Variants in GRAMD1C observed in about 807,000 individuals in gnomAD.
GRAMD1C encodes the protein protein Aster-C.
Under a neutral mutation model 97.8 loss-of-function variants are expected in GRAMD1C, and 89 were observed. The observed-to-expected ratio is 0.91, with a 90% CI of 0.77 to 1.09. The LOEUF (loss-of-function observed/expected upper bound fraction) is 1.09, where lower values mean the gene tolerates loss of function less well. GRAMD1C is among the 50% of genes least tolerant of loss of function. The pLI is 0.00. For synonymous variants in GRAMD1C, 256 were observed against 267.0 expected, an observed-to-expected ratio of 0.96 and a Z score of 0.40; for missense variants, 740 against 766.4, an observed-to-expected ratio of 0.97 and a Z score of 0.41.
In GRAMD1C at chr3:113,942,489, C is replaced by T. The variant is rs979742908; in HGVS notation, c.1908+2144C>T. Among the ~76,000 whole-genome samples the T allele has an allele frequency of 2.6e-5, 4 of 152,172 alleles. No individual in the cohort carries two copies. The East Asian group carries it at 7.7e-4, about 29-fold the overall frequency. ...TGGCTGGGCTCTTGGCTGAGAAATC[C>T]TGGTTATCAGCACCTTTGGGTCAGT... On this transcript the variant is annotated intron_variant, in intron 17 of 17. Transcript: ENST00000358160.
intron 2 of GRAMD1C, among the ~76,000 whole-genome samples, chr3:113,853,789 A>C (rs1018324846): frequency 6.6e-6 from 1 of 152,164 alleles, no homozygotes; most frequent in Non-Finnish European, 1.5e-5. Flanking sequence ...AGAGAATAGC[A>C]TGGGAGGGAG....
intron 10 of GRAMD1C, among the ~76,000 whole-genome samples, chr3:113,922,577 G>C (rs1433010698): frequency 2.0e-5 from 3 of 152,138 alleles, no homozygotes; most frequent in Non-Finnish European, 2.9e-5. Flanking sequence ...TCGAAGACCA[G>C]ATGGTTGTAG....
Position 113,882,741 on chromosome 3 carries a change from T to A in GRAMD1C, c.460-11T>A. The A allele has an allele frequency of 6.7e-7, 1 of 1,497,060 alleles. No individual in the cohort carries two copies. The highest frequency in any genetic ancestry group is 9.3e-7 in the Non-Finnish European group (1 of 1,073,640). The allele number at this position is 1,497,060 out of a possible 1,614,324, so 92.7% of individuals were successfully genotyped here. A position where few individuals can be genotyped will look rare whatever the true frequency, so the allele number is the denominator to read the frequency against. ...ATGACACTAAAATTCTCCTATTATTTTTCTTTGCAGTTTTTCTTCACATCT... is the reference window on the plus strand; with the variant it reads ...ATGACACTAAAATTCTCCTATTATTATTCTTTGCAGTTTTTCTTCACATCT... On this transcript the variant is annotated splice_polypyrimidine_tract_variant and intron_variant, in intron 5 of 17. Transcript: ENST00000358160.
chr3:113,944,636 G>A (rs1310560959), intron 17 of GRAMD1C, among the ~76,000 whole-genome samples: 3 of 152,114 alleles, frequency 2.0e-5, no homozygotes, highest in South Asian at 2.1e-4. Context: ...AAATATCTAA[G>A]TATATATTTA....
At chr3:113,915,913 AC>A (rs1344151097) in intron 10 of GRAMD1C, 75 bp downstream of exon 10, 23 of 1,142,886 alleles carry the variant, frequency 2.0e-5, no homozygotes, top group Non-Finnish European at 3.0e-5. Flanking sequence ...GCATATATAA[AC>A]TGATTTATGT....
intron 6 of GRAMD1C, among the ~76,000 whole-genome samples, chr3:113,898,137 A>G (rs902913748): frequency 2.0e-5 from 3 of 152,300 alleles, no homozygotes; most frequent in Middle Eastern, 3.4e-3. Context: ...TCCTGCTAGT[A>G]TTTAATACAA....
intron 1 of GRAMD1C, among the ~76,000 whole-genome samples, chr3:113,830,158 G>A (rs897386571): frequency 3.3e-5 from 5 of 152,024 alleles, no homozygotes; most frequent in African/African-American, 1.2e-4. Context: ...CTAGGTGTGC[G>A]GTTTGCACAG....
chr3:113,844,547 A>G lies in GRAMD1C; in HGVS notation c.72A>G (p.Glu24=), dbSNP rs778013054. The G allele has an allele frequency of 6.2e-7, 1 of 1,605,690 alleles. No individual in the cohort carries two copies. Among genetic ancestry groups the G allele is most frequent in the Non-Finnish European group, 8.5e-7 (1 of 1,173,826 alleles). ...GDSSLATDLQ[E]DVEENPSPTV... ...CAAGCCTTGCCACCGACTTACAGGA[A>G]GATGTAGAGGAAAATCCTAGTCCAA... The change falls in exon 2 of 18, where the codon GAA becomes GAG. Residue 24 remains glutamate, a synonymous_variant. Transcript: ENST00000358160.
chr3:113,875,674 C>A, intron 4 of GRAMD1C, 87 bp downstream of exon 4: 3 of 679,174 alleles, frequency 4.4e-6, no homozygotes, highest in African/African-American at 1.8e-5. Flanking sequence ...TTAGATGATT[C>A]CAAAGTAAAT....
At chr3:113,898,366 T>C (rs958730245) in intron 6 of GRAMD1C, among the ~76,000 whole-genome samples, 2 of 152,132 alleles carry the variant, frequency 1.3e-5, no homozygotes, top group African/African-American at 4.8e-5. Context: ...ATTGCTTGCT[T>C]CTCATTATAA....
rs1202587142 is a variant in GRAMD1C at position 113,908,999 on chromosome 3, A to G, written c.831A>G (p.Lys277=). ...AGTCCCAAAATGAGAAACAGACCAAAAAGAGTCTCTTACCAACTTTGGAAA... is the reference window on the plus strand; with the variant it reads ...AGTCCCAAAATGAGAAACAGACCAAGAAGAGTCTCTTACCAACTTTGGAAA... ...KEESQNEKQT[K]KSLLPTLEKK... Residue 277 remains lysine (K), a synonymous_variant, in exon 9 of 18, where the codon AAA becomes AAG. Coordinates refer to ENST00000358160, the MANE Select transcript of GRAMD1C (RefSeq NM_017577.5). 7 of 1,579,524 alleles carry G rather than the reference A, an allele frequency of 4.4e-6. No homozygotes were observed. In the African/African-American group the frequency reaches 9.6e-5, roughly 22 times the overall value.
rs531763397 is a variant in GRAMD1C at position 113,887,085 on chromosome 3, GTTTTTTTTT to G, written c.540+4255_540+4263del. On this transcript the variant is annotated intron_variant, in intron 6 of 17. Transcript: ENST00000358160. ...ATGAGCCACTGCGCCTGGCCTTTTT[GTTTTTTTTT>G]TGTTTTTTTTTTTTTTTGAGATAGA... 9.6e-3 allele frequency among the ~76,000 whole-genome samples: 688 copies of G among 71,442 alleles called. 12 individuals are homozygous for G. The highest frequency in any genetic ancestry group is 0.032 in the Middle Eastern group (2 of 62). The allele number at this position is 71,442 out of a possible 152,430, so 46.9% of individuals were successfully genotyped here.
intron 1 of GRAMD1C, among the ~76,000 whole-genome samples, chr3:113,840,879 G>A (rs1188041018): frequency 6.6e-6 from 1 of 152,202 alleles, no homozygotes; most frequent in Non-Finnish European, 1.5e-5. Context: ...TCAATGGAAT[G>A]TTATACTTGT....
intron 9 of GRAMD1C, chr3:113,913,015 A>G: frequency 1.7e-6 from 1 of 573,268 alleles, no homozygotes; most frequent in Non-Finnish European, 2.8e-6. Context: ...AGACATTTGG[A>G]AAGATGAAGG....
At chr3:113,941,978 T>C (rs1937812522) in intron 17 of GRAMD1C, among the ~76,000 whole-genome samples, 1 of 151,342 alleles carries the variant, frequency 6.6e-6, no homozygotes, top group South Asian at 2.1e-4. Context: ...TGCAGTGGCA[T>C]GAACACGGCT....
At chr3:113,832,545 A>T (rs1709573106) in intron 1 of GRAMD1C, among the ~76,000 whole-genome samples, 1 of 152,172 alleles carries the variant, frequency 6.6e-6, no homozygotes, top group South Asian at 2.1e-4. Context: ...CATCTCCAGA[A>T]CTTTTTCTTC....
At chr3:113,870,032 C>A (rs2712365) in intron 3 of GRAMD1C, among the ~76,000 whole-genome samples, 93,846 of 151,766 alleles carry the variant, frequency 0.62, 29,238 homozygotes, top group Middle Eastern at 0.75. Flanking sequence ...TCTCACTCAT[C>A]TGTGGGAGCT....
chr3:113,924,571 A>G (rs1937169689), intron 10 of GRAMD1C, among the ~76,000 whole-genome samples: 1 of 152,180 alleles, frequency 6.6e-6, no homozygotes, highest in Non-Finnish European at 1.5e-5. Flanking sequence ...ATGTAATTGT[A>G]TGATTTTTAG....
At chr3:113,925,475 AAAC>A (rs1379113095) in intron 10 of GRAMD1C, among the ~76,000 whole-genome samples, 4 of 556 alleles carry the variant, frequency 7.2e-3, no homozygotes, top group Non-Finnish European at 0.1. Context: ...GTGTCTCAAA[AAAC>A]AAACAAACAA....
Sources: gnomAD v4.1 joint callset for allele counts (sites outside exome capture counted in the v4.1 genomes callset) on GRCh38, gnomAD v4.1.1 for gene constraint, MANE v1.5 for transcripts, NCBI Gene and HGNC (gene_info 2026-07-23, HGNC 2026-07-21) for gene names.